Variants in F8 observed in about 807,000 individuals in gnomAD.
The protein encoded by F8 is antihemophilic factor.
A neutral mutation model predicts 140.6 loss-of-function variants in F8; 12 were observed. The observed-to-expected ratio is 0.09, with a 90% CI of 0.05 to 0.14. The LOEUF (loss-of-function observed/expected upper bound fraction) is 0.14. Among genes scored for constraint, F8 ranks in the 10% least tolerant of loss-of-function variants. F8 has a pLI of 1.00. For synonymous variants in F8, 585 were observed against 614.6 expected (o/e 0.95, Z 0.71); for missense variants, 1,354 against 1,720.7 (o/e 0.79, Z 3.77).
chrX:154,969,843 C>T (rs2073446577), intron 6 of F8, among the ~76,000 whole-genome samples: 2 of 111,934 alleles, frequency 1.8e-5, no homozygotes, highest in Admixed American at 1.9e-4. Flanking sequence ...GCCAACATCT[C>T]TGTGGGTTTT....
At chrX:154,919,934 G>C (rs1276747387) in intron 14 of F8, 1 of 197,732 alleles carries the variant, frequency 5.1e-6, no homozygotes, top group Non-Finnish European at 1.0e-5. Flanking sequence ...CCTTCCTTGT[G>C]ATCTGGGTAG....
Position 154,930,050 on chromosome X carries a change from A to G in F8, c.3740T>C (p.Phe1247Ser). The G allele has an allele frequency of 8.3e-7, 1 of 1,211,493 alleles. No homozygotes were observed. Among genetic ancestry groups the G allele is most frequent in the South Asian group, 1.8e-5 (1 of 56,986 alleles). Residue 1247 changes from phenylalanine (F) to serine (S), a missense_variant, in exon 14 of 26, where the codon TTC becomes TCC. Physicochemically the swap from Phe to Ser is radical, Grantham distance 155. Coordinates refer to ENST00000360256, the MANE Select transcript of F8 (RefSeq NM_000132.4). ...TACATTTTGCCTAGTGCTCAGTAAG[A>G]AAAGGTTCTTCATGAAATTCTTAGT... ...TGTKNFMKNL[F>S]LLSTRQNVEG...
chrX:154,842,189 A>G (rs1557271381), intron 25 of F8, among the ~76,000 whole-genome samples: 1 of 111,311 alleles, frequency 9.0e-6, no homozygotes, highest in African/African-American at 3.3e-5. Context: ...TTTTTGTGGG[A>G]TCTTTATTGA....
intron 22 of F8, among the ~76,000 whole-genome samples, chrX:154,869,187 A>G (rs187178801): frequency 8.9e-6 from 1 of 111,757 alleles, no homozygotes; most frequent in East Asian, 2.8e-4. Flanking sequence ...GCTCTGGACC[A>G]AGCAGACCTA....
chrX:154,904,740 C>A, intron 16 of F8, 71 bp downstream of exon 16: 1 of 971,895 alleles, frequency 1.0e-6, no homozygotes, highest in South Asian at 1.9e-5. Context: ...GGATAAATAT[C>A]AAAATTCTTA....
intron 13 of F8, among the ~76,000 whole-genome samples, chrX:154,940,497 A>C (rs182506196): frequency 6.3e-4 from 71 of 112,401 alleles, no homozygotes; most frequent in African/African-American, 2.1e-3. Flanking sequence ...CGAAGCCTCC[A>C]AGAAATACGG....
intron 1 of F8, among the ~76,000 whole-genome samples, chrX:155,017,398 G>T (rs1479229742): frequency 1.8e-5 from 2 of 112,437 alleles, no homozygotes; most frequent in Non-Finnish European, 3.8e-5. Flanking sequence ...TACATTTGAT[G>T]TAGTTTGTTA....
At chrX:154,989,542 A>G (rs954217906) in intron 4 of F8, among the ~76,000 whole-genome samples, 6 of 111,792 alleles carry the variant, frequency 5.4e-5, no homozygotes, top group African/African-American at 1.9e-4. Flanking sequence ...GCAATTTTAT[A>G]TTATTATTTT....
chrX:155,022,047 T>C (rs951962345), intron 1 of F8, among the ~76,000 whole-genome samples: 1 of 111,647 alleles, frequency 9.0e-6, no homozygotes, highest in Admixed American at 9.5e-5. Flanking sequence ...GTGTGTGATA[T>C]TGATTGGATT....
chrX:154,911,875 T>C (rs1371438174), intron 14 of F8, among the ~76,000 whole-genome samples: 1 of 112,522 alleles, frequency 8.9e-6, no homozygotes, highest in Non-Finnish European at 1.9e-5. Flanking sequence ...TCATTATTTT[T>C]TGTCTTTTTG....
At chrX:154,904,745 T>A in intron 16 of F8, 66 bp downstream of exon 16, 2 of 986,338 alleles carry the variant, frequency 2.0e-6, no homozygotes, top group Non-Finnish European at 2.9e-6. Flanking sequence ...AATATCAAAA[T>A]TCTTAGTACA....
At chrX:154,954,193 G>T in intron 11 of F8, 151 bp from the exon 12 acceptor site, 1 of 582,097 alleles carries the variant, frequency 1.7e-6, no homozygotes, top group Admixed American at 2.6e-5. Context: ...ACCAGGGCTT[G>T]GGAGTTGAGG....
At chrX:154,936,612 A>T (rs1161428631) in intron 13 of F8, among the ~76,000 whole-genome samples, 1 of 111,951 alleles carries the variant, frequency 8.9e-6, no homozygotes, top group East Asian at 2.8e-4. Context: ...CAAATACAAA[A>T]ATCAAAATAA....
chrX:154,981,326 G>A (rs2073519076), intron 6 of F8, among the ~76,000 whole-genome samples: 1 of 110,235 alleles, frequency 9.1e-6, no homozygotes, highest in South Asian at 3.9e-4. Context: ...TTACCTTGAT[G>A]TTTCTGTGAG....
intron 14 of F8, chrX:154,919,655 G>T: frequency 3.6e-6 from 2 of 553,733 alleles, no homozygotes; most frequent in Non-Finnish European, 2.9e-6. Flanking sequence ...TTCATCCTTT[G>T]GATATAATGC....
rs782705981 is a variant in F8 at position 154,866,661 on chromosome X, T to C, written c.6430-3434A>G. Reference sequence around the variant, plus strand: ...TGGGTCACAGAAGAAACCAAAATCTTGATAATATACCAAAACTTAAAGGAT... The same window carrying C: ...TGGGTCACAGAAGAAACCAAAATCTCGATAATATACCAAAACTTAAAGGAT... On this transcript the variant is annotated intron_variant, in intron 22 of 25. Coordinates refer to ENST00000360256, the MANE Select transcript of F8 (RefSeq NM_000132.4). Among the ~76,000 whole-genome samples, 16 of 111,085 alleles carry C rather than the reference T, an allele frequency of 1.4e-4. No homozygotes were observed. In the South Asian group the frequency reaches 1.9e-3, roughly 13 times the overall value.
chrX:154,941,973 A>T (rs2073268378), intron 13 of F8, among the ~76,000 whole-genome samples: 1 of 105,080 alleles, frequency 9.5e-6, no homozygotes, highest in African/African-American at 3.5e-5. Flanking sequence ...ACCAATGAGA[A>T]CAAAGACACA....
At chrX:154,877,638 G>A (rs185069054) in intron 22 of F8, among the ~76,000 whole-genome samples, 1,711 of 110,864 alleles carry the variant, frequency 0.015, 25 homozygotes, top group African/African-American at 0.052. Context: ...GACTACAGGC[G>A]ACCGAAAAAG....
chrX:154,838,953 T>C (rs1465364104), intron 25 of F8, among the ~76,000 whole-genome samples: 1 of 48,517 alleles, frequency 2.1e-5, no homozygotes, highest in Non-Finnish European at 3.5e-5. Flanking sequence ...CCCCAAGAGA[T>C]GCCAATTTAA....
Sources: gnomAD v4.1 joint callset for allele counts (sites outside exome capture counted in the v4.1 genomes callset) on GRCh38, gnomAD v4.1.1 for gene constraint, MANE v1.5 for transcripts, NCBI Gene and HGNC (gene_info 2026-07-23, HGNC 2026-07-21) for gene names.